The following HHAT variants were observed in gnomAD, a reference collection of about 807,000 sequenced individuals.
The protein encoded by HHAT is protein-cysteine N-palmitoyltransferase HHAT.
Under a neutral mutation model 70.8 loss-of-function variants are expected in HHAT, and 47 were observed. That is an observed-to-expected ratio of 0.66 (90% CI 0.53 to 0.85). The LOEUF (loss-of-function observed/expected upper bound fraction) is 0.85. HHAT is among the 40% of genes least tolerant of loss of function. HHAT has a pLI of 0.00. For synonymous variants in HHAT, 228 were observed against 247.6 expected (o/e 0.92, Z 0.74); for missense variants, 609 against 604.8 (o/e 1.01, Z -0.07).
intron 11 of HHAT, among the ~76,000 whole-genome samples, chr1:210,660,180 G>C (rs534880986): frequency 1.3e-5 from 2 of 152,154 alleles, no homozygotes; most frequent in African/African-American, 2.4e-5. Context: ...TGTCTCAGCC[G>C]AAAATCTCCT....
intron 9 of HHAT, among the ~76,000 whole-genome samples, chr1:210,543,125 G>T (rs915710212): frequency 1.3e-5 from 2 of 152,152 alleles, no homozygotes; most frequent in Admixed American, 1.3e-4. Flanking sequence ...AACACATTTA[G>T]TGAGTTTGTA....
chr1:210,423,675 T>C (rs879357060), intron 7 of HHAT, among the ~76,000 whole-genome samples: 1 of 152,206 alleles, frequency 6.6e-6, no homozygotes, highest in Non-Finnish European at 1.5e-5. Flanking sequence ...TTCTAGTATT[T>C]TTATTGCTTC....
intron 9 of HHAT, among the ~76,000 whole-genome samples, chr1:210,544,367 G>GTTTTTTTTTTTTTTTTTTTTTT (rs569514246): frequency 4.4e-5 from 4 of 90,066 alleles, no homozygotes; most frequent in Admixed American, 1.3e-4. Flanking sequence ...TCTTTCTTTC[G>GTTTTTTTTTTTTTTTTTTTTTT]TTTTTTTTTT....
intron 3 of HHAT, among the ~76,000 whole-genome samples, chr1:210,367,677 C>T (rs1052938662): frequency 6.6e-6 from 1 of 152,132 alleles, no homozygotes; most frequent in African/African-American, 2.4e-5. Context: ...CTGTAGTCCT[C>T]CAGTTTTTGA....
At chr1:210,368,256 T>C (rs1366230679) in intron 3 of HHAT, among the ~76,000 whole-genome samples, 1 of 152,192 alleles carries the variant, frequency 6.6e-6, no homozygotes, top group African/African-American at 2.4e-5. Flanking sequence ...TGGATGGGCT[T>C]AAGTTCAAAT....
At chr1:210,488,242 C>T (rs1008751728) in intron 8 of HHAT, among the ~76,000 whole-genome samples, 1 of 152,020 alleles carries the variant, frequency 6.6e-6, no homozygotes, top group African/African-American at 2.4e-5. Context: ...TCACAGATTC[C>T]CTCATCTCCT....
rs544231885 is a variant in HHAT, at chr1:210,609,795, G to A, written c.1246-13731G>A. ...TTCTGTTCCTGCATTAGTTTGCTGA[G>A]GATAATGGCTTTCAACTCCATCCAT... On this transcript the variant is annotated intron_variant, in intron 10 of 11. Coordinates refer to ENST00000261458, the MANE Select transcript of HHAT (RefSeq NM_018194.6). 3.9e-5 allele frequency among the ~76,000 whole-genome samples: 6 copies of A among 152,262 alleles called. No homozygotes were observed. The East Asian group carries it at 7.7e-4, about 20-fold the overall frequency.
At chr1:210,583,502 G>A (rs1659719151) in intron 9 of HHAT, among the ~76,000 whole-genome samples, 1 of 152,156 alleles carries the variant, frequency 6.6e-6, no homozygotes, top group South Asian at 2.1e-4. Flanking sequence ...AAAGAGACAT[G>A]TTTCTGTTTT....
intron 10 of HHAT, among the ~76,000 whole-genome samples, chr1:210,595,984 T>A (rs1437061658): frequency 1.3e-5 from 2 of 152,234 alleles, no homozygotes; most frequent in East Asian, 3.8e-4. Flanking sequence ...TAGATCCCAT[T>A]TGTCAATTTT....
intron 7 of HHAT, among the ~76,000 whole-genome samples, chr1:210,441,820 A>G (rs2148360260): frequency 6.6e-6 from 1 of 152,104 alleles, no homozygotes; most frequent in East Asian, 1.9e-4. Flanking sequence ...ATATGTATAT[A>G]TATGTACACA....
intron 8 of HHAT, among the ~76,000 whole-genome samples, chr1:210,473,508 G>A (rs1487145900): frequency 6.6e-6 from 1 of 152,088 alleles, no homozygotes; most frequent in East Asian, 1.9e-4. Flanking sequence ...GGGGAGAAAG[G>A]GAGTCACCAG....
chr1:210,331,647 C>T (rs2084998392), intron 1 of HHAT, among the ~76,000 whole-genome samples: 1 of 152,160 alleles, frequency 6.6e-6, no homozygotes, highest in Admixed American at 6.5e-5. Context: ...TGATCATGCA[C>T]CAGCTGGGAG....
At chr1:210,673,190 G>A (rs569140362) in intron 11 of HHAT, among the ~76,000 whole-genome samples, 73 of 152,182 alleles carry the variant, frequency 4.8e-4, no homozygotes, top group African/African-American at 1.7e-3. Context: ...CCAAGGACAA[G>A]CCACGTCTGC....
At chr1:210,423,921 A>G (rs912980443) in intron 7 of HHAT, among the ~76,000 whole-genome samples, 1 of 152,240 alleles carries the variant, frequency 6.6e-6, no homozygotes. Context: ...TGCATGTACC[A>G]TGCTGTTTTG....
intron 7 of HHAT, among the ~76,000 whole-genome samples, chr1:210,455,678 G>GT (rs2093850386): frequency 6.6e-6 from 1 of 152,086 alleles, no homozygotes; most frequent in Non-Finnish European, 1.5e-5. Context: ...AAAATGGGGA[G>GT]TAATAGTAGT....
intron 10 of HHAT, among the ~76,000 whole-genome samples, chr1:210,601,936 T>TGAGAGA (rs1558251169): frequency 6.1e-5 from 1 of 16,412 alleles, no homozygotes; most frequent in African/African-American, 9.5e-5. Flanking sequence ...TATTTGAGAC[T>TGAGAGA]CAGAGAGAGA....
At chr1:210,659,185 C>A (rs1677111031) in intron 11 of HHAT, among the ~76,000 whole-genome samples, 1 of 152,080 alleles carries the variant, frequency 6.6e-6, no homozygotes, top group South Asian at 2.1e-4. Flanking sequence ...ATTGATAGGC[C>A]ACTAGCAAGA....
chr1:210,601,660 C>T (rs1664290300), intron 10 of HHAT, among the ~76,000 whole-genome samples: 1 of 151,924 alleles, frequency 6.6e-6, no homozygotes, highest in African/African-American at 2.4e-5. Context: ...AGACATGATC[C>T]CTGCCATGAA....
At chr1:210,539,563 C>T (rs2095407920) in intron 9 of HHAT, among the ~76,000 whole-genome samples, 1 of 152,174 alleles carries the variant, frequency 6.6e-6, no homozygotes, top group South Asian at 2.1e-4. Context: ...CTAGATTCTT[C>T]TTCGAGGATT....
Sources: allele counts gnomAD v4.1 joint callset (sites outside exome capture counted in the v4.1 genomes callset), GRCh38; gene constraint gnomAD v4.1.1; transcripts MANE v1.5; gene names NCBI Gene and HGNC (gene_info 2026-07-23, HGNC 2026-07-21).